Variants in SYNE1 observed in about 807,000 individuals in gnomAD.
SYNE1 encodes the protein nesprin-1.
A neutral mutation model predicts 1,111.0 loss-of-function variants in SYNE1; 616 were observed. The observed-to-expected ratio is 0.55, with a 90% CI of 0.52 to 0.59. The LOEUF (loss-of-function observed/expected upper bound fraction) is 0.59, where lower values mean the gene tolerates loss of function less well. Among genes scored for constraint, SYNE1 ranks in the 20% least tolerant of loss-of-function variants. The pLI is 0.00. For missense variants in SYNE1, 10,006 were observed against 10,417.0 expected (o/e 0.96, Z 1.72); for synonymous variants, 3,855 against 3,825.8 (o/e 1.01, Z -0.28).
chr6:152,569,331 G>A (rs1355965653), intron 3 of SYNE1, among the ~76,000 whole-genome samples: 1 of 152,138 alleles, frequency 6.6e-6, no homozygotes, highest in Non-Finnish European at 1.5e-5. Flanking sequence ...CACCTTATGG[G>A]CAAGTTATCT....
chr6:152,548,421 C>T, intron 3 of SYNE1, among the ~76,000 whole-genome samples: 1 of 152,190 alleles, frequency 6.6e-6, no homozygotes, highest in East Asian at 1.9e-4. Context: ...ACCACAATTG[C>T]TCCCTCTGTT....
intron 133 of SYNE1, 75 bp from the exon 134 acceptor site, chr6:152,152,216 T>G (rs989558491): frequency 7.5e-7 from 1 of 1,332,262 alleles, no homozygotes; most frequent in Non-Finnish European, 1.1e-6. Context: ...GTTTTCTTAT[T>G]GTAGCGTCTG....
At position 152,497,351 on chromosome 6, in the gene SYNE1, G is replaced by A. The variant is rs186184664; in HGVS notation, c.939+1391C>T. On this transcript the variant is annotated intron_variant, in intron 11 of 145. Transcript: ENST00000367255. ...CCAGGATGTCTTTTCTGAATGAACA[G>A]GTGAATATAATTAAGGTACATGTTT... Among the ~76,000 whole-genome samples the A allele has an allele frequency of 2.6e-5, 4 of 152,294 alleles. No individual in the cohort carries two copies. The East Asian group carries it at 7.7e-4, about 29-fold the overall frequency.
Position 152,395,513 on chromosome 6 carries a change from T to C in SYNE1, c.7712+3A>G. 4 of 1,613,358 alleles carry C rather than the reference T, an allele frequency of 2.5e-6. No individual in the cohort carries two copies. The highest frequency in any genetic ancestry group is 3.4e-6 in the Non-Finnish European group (4 of 1,179,606). On this transcript the variant is annotated splice_donor_region_variant and intron_variant, in intron 51 of 145. Coordinates refer to ENST00000367255, the MANE Select transcript of SYNE1 (RefSeq NM_182961.4). ...AAGGACCTGTTCCATTTCTGGACCA[T>C]ACCTTGCAGCCAGCAGTTCTCCCAA...
Position 152,416,410 on chromosome 6 carries a change from A to T in SYNE1, c.6027T>A (p.Pro2009=), listed in dbSNP as rs1181492707. The T allele has an allele frequency of 1.9e-6, 3 of 1,614,042 alleles. No homozygotes were observed. The highest frequency in any genetic ancestry group is 4.5e-5 in the East Asian group (2 of 44,888). The stretch of plus-strand genomic sequence containing the variant: ...ACCTCTGCTGAAGAGCTTGGCGGGT[A>T]GGTTCTTTCAATCGCTCTTTGTCAG... ...ERTDKERLKE[P]TRQALQQRLR... is the part of the protein sequence containing the mutation. Residue 2009 remains proline (P), a synonymous_variant, in exon 41 of 146, where the codon CCT becomes CCA. Transcript: ENST00000367255.
chr6:152,436,739 T>C (rs1454988347), intron 32 of SYNE1, among the ~76,000 whole-genome samples: 1 of 152,236 alleles, frequency 6.6e-6, no homozygotes, highest in African/African-American at 2.4e-5. Flanking sequence ...AATTAATTTA[T>C]TCACAAATAT....
intron 128 of SYNE1, among the ~76,000 whole-genome samples, chr6:152,186,279 G>A (rs116000943): frequency 0.063 from 9,569 of 152,012 alleles, 470 homozygotes; most frequent in African/African-American, 0.14. Flanking sequence ...AGGGAAGACC[G>A]GGCACGGTGG....
In SYNE1 at chr6:152,465,462, T is replaced by G. The variant is rs374286713; in HGVS notation, c.1730-2A>C. The stretch of plus-strand genomic sequence containing the variant: ...TCATCACATTCTCAGCTTCTTCCAC[T>G]GAAACAGATAAAACCAATTATAACC... On this transcript the variant is annotated splice_acceptor_variant, in intron 17 of 145. Coordinates refer to ENST00000367255, the MANE Select transcript of SYNE1 (RefSeq NM_182961.4). LOFTEE classifies it high-confidence loss of function. 3.7e-6 allele frequency: 6 copies of G among 1,612,330 alleles called. No homozygotes were observed. Among genetic ancestry groups the G allele is most frequent in the Middle Eastern group, 1.6e-4 (1 of 6,074 alleles).
At position 152,381,381 on chromosome 6, in the gene SYNE1, A is replaced by G. The variant is rs376539357; in HGVS notation, c.8653-19T>C. The G allele has an allele frequency of 5.1e-5, 82 of 1,610,232 alleles. No individual in the cohort carries two copies. In the South Asian group the frequency reaches 6.3e-4, roughly 12 times the overall value. ...TCAGCTCCTGTAATGGAATATCACC[A>G]TGGTAACTGAAGAGCCTGTGAGTCA... On this transcript the variant is annotated intron_variant, in intron 55 of 145. Transcript: ENST00000367255.
chr6:152,493,175 T>A (rs1593906711), intron 11 of SYNE1, among the ~76,000 whole-genome samples: 1 of 152,102 alleles, frequency 6.6e-6, no homozygotes, highest in African/African-American at 2.4e-5. Context: ...AATCTAATCA[T>A]CCTTACCCTG....
chr6:152,615,072 T>C (rs2099642012), intron 3 of SYNE1, among the ~76,000 whole-genome samples: 1 of 152,160 alleles, frequency 6.6e-6, no homozygotes, highest in Admixed American at 6.6e-5. Context: ...ATGGCACATG[T>C]ATACCTACGT....
rs1236103029 is a variant in SYNE1 at position 152,428,198 on chromosome 6, T to C, written c.4976+7A>G. The C allele has an allele frequency of 6.2e-7, 1 of 1,612,902 alleles. No individual in the cohort carries two copies. Among genetic ancestry groups the C allele is most frequent in the Non-Finnish European group, 8.5e-7 (1 of 1,180,012 alleles). On this transcript the variant is annotated splice_region_variant and intron_variant, in intron 37 of 145. Transcript: ENST00000367255. The stretch of plus-strand genomic sequence containing the variant: ...AGTGCAGCAACTCAAGGAAAAGTGC[T>C]GCTCACCTCTGCCAGTGGGCCAGCA...
At chr6:152,578,028 G>A (rs2099506333) in intron 3 of SYNE1, among the ~76,000 whole-genome samples, 2 of 152,126 alleles carry the variant, frequency 1.3e-5, no homozygotes, top group South Asian at 4.1e-4. Flanking sequence ...TGTGTAAAGT[G>A]TCATTATTTC....
chr6:152,177,177 C>T (rs527930877), intron 129 of SYNE1, among the ~76,000 whole-genome samples: 16 of 152,280 alleles, frequency 1.1e-4, no homozygotes, highest in Admixed American at 4.6e-4. Flanking sequence ...AGAGAATCGA[C>T]AGGCCTCAAA....
intron 6 of SYNE1, among the ~76,000 whole-genome samples, chr6:152,511,978 C>G (rs1171270611): frequency 6.6e-6 from 1 of 152,142 alleles, no homozygotes; most frequent in Non-Finnish European, 1.5e-5. Context: ...TAATTCCTAA[C>G]AAATGAAAAC....
chr6:152,492,444 C>T (rs1399422492), intron 11 of SYNE1, among the ~76,000 whole-genome samples: 4 of 152,218 alleles, frequency 2.6e-5, no homozygotes. Flanking sequence ...ACCACAGTGG[C>T]CAGGCATTCC....
intron 3 of SYNE1, among the ~76,000 whole-genome samples, chr6:152,571,889 A>G (rs938327486): frequency 6.6e-5 from 10 of 152,090 alleles, no homozygotes; most frequent in African/African-American, 2.4e-4. Flanking sequence ...TGTTATTTTC[A>G]ATGCATTTTT....
chr6:152,470,933 T>C (rs1358920574), intron 16 of SYNE1, among the ~76,000 whole-genome samples: 3 of 152,182 alleles, frequency 2.0e-5, no homozygotes, highest in Non-Finnish European at 4.4e-5. Flanking sequence ...ACTAATTACA[T>C]GTAAGTGAAA....
At position 152,409,650 on chromosome 6, in the gene SYNE1, G is replaced by A; in HGVS notation, c.6290C>T (p.Ala2097Val). Residue 2097 changes from alanine to valine, a missense_variant, in exon 43 of 146, where the codon GCT becomes GTT. Ala to Val is a moderately conservative substitution (Grantham distance 64). Coordinates refer to ENST00000367255, the MANE Select transcript of SYNE1 (RefSeq NM_182961.4). ...GGCATTTTCTAAGACTTTAGATACAGCTGATTTCAGGTTCTGATATTCTCT... is the reference window on the plus strand; with the variant it reads ...GGCATTTTCTAAGACTTTAGATACAACTGATTTCAGGTTCTGATATTCTCT... ...LMREYQNLKS[A>V]VSKVLENASS... 6.2e-7 allele frequency: 1 copy of A among 1,613,842 alleles called. No homozygotes were observed. The highest frequency in any genetic ancestry group is 1.3e-5 in the African/African-American group (1 of 75,034).
Sources: allele counts gnomAD v4.1 joint callset (sites outside exome capture counted in the v4.1 genomes callset), GRCh38; gene constraint gnomAD v4.1.1; transcripts MANE v1.5; gene names NCBI Gene and HGNC (gene_info 2026-07-23, HGNC 2026-07-21).